Variants in TTC28 observed in about 807,000 individuals in gnomAD.
TTC28 encodes the protein tetratricopeptide repeat protein 28.
Under a neutral mutation model 198.0 loss-of-function variants are expected in TTC28, and 61 were observed. The ratio of observed to expected loss-of-function variants is 0.31; its 90% CI spans 0.25 to 0.38. The LOEUF (loss-of-function observed/expected upper bound fraction) is 0.38, where lower values mean the gene tolerates loss of function less well. Among genes scored for constraint, TTC28 ranks in the 10% least tolerant of loss-of-function variants. TTC28 has a pLI of 1.00. For synonymous variants in TTC28, 1,171 were observed against 1,297.8 expected (o/e 0.90, Z 2.10); for missense variants, 2,678 against 3,164.0 (o/e 0.85, Z 3.69).
At chr22:28,634,098 A>G (rs948429192) in intron 1 of TTC28, among the ~76,000 whole-genome samples, 2 of 152,152 alleles carry the variant, frequency 1.3e-5, no homozygotes, top group Non-Finnish European at 2.9e-5. Flanking sequence ...ACACCATCAA[A>G]TGTTCACAAA....
rs967977216 is a variant in TTC28, at chr22:27,983,079, G to A, written c.6588C>T (p.Gly2196=). ...CAGCAGTGCTGCTGGGCGCCTGAAC[G>A]CCGTCTTCAGGGTTATTACTCTTGC... The part of the protein sequence containing the change: ...QVSKSNNPED[G]VQAPSSTAVF... The change falls in exon 23 of 23, where the codon GGC becomes GGT. Residue 2196 remains glycine, a synonymous_variant. Coordinates refer to ENST00000397906, the MANE Select transcript of TTC28 (RefSeq NM_001145418.2). 41 of 1,551,568 alleles carry A rather than the reference G, an allele frequency of 2.6e-5. No homozygotes were observed. Among genetic ancestry groups the A allele is most frequent in the South Asian group, 2.3e-4 (19 of 84,054 alleles).
chr22:28,570,314 C>T (rs1007728619), intron 2 of TTC28, among the ~76,000 whole-genome samples: 16 of 152,152 alleles, frequency 1.1e-4, no homozygotes, highest in Non-Finnish European at 2.1e-4. Context: ...CCTAGATGCC[C>T]ATCAATGGTG....
At chr22:28,252,612 T>C (rs1369964770) in intron 5 of TTC28, among the ~76,000 whole-genome samples, 2 of 152,194 alleles carry the variant, frequency 1.3e-5, no homozygotes, top group Admixed American at 6.5e-5. Context: ...TCTCCATTAG[T>C]ACTACCAGAG....
chr22:28,175,595 C>T lies in TTC28; in HGVS notation c.934-11996G>A, dbSNP rs997533018. On this transcript the variant is annotated intron_variant, in intron 5 of 22. Transcript: ENST00000397906. The stretch of plus-strand genomic sequence containing the variant: ...AAAAATACAAAAAATTATCCGGGCA[C>T]GGTGGTGCATGCCTGTAATCCCAGC... Among the ~76,000 whole-genome samples the T allele has an allele frequency of 9.2e-5, 14 of 151,724 alleles. No homozygotes were observed. In the South Asian group the frequency reaches 2.3e-3, roughly 25 times the overall value.
At chr22:28,408,125 T>C (rs1204899271) in intron 2 of TTC28, among the ~76,000 whole-genome samples, 1 of 152,064 alleles carries the variant, frequency 6.6e-6, no homozygotes, top group Non-Finnish European at 1.5e-5. Flanking sequence ...AATAAGATAC[T>C]AGGAAGCCGA....
chr22:28,174,190 T>C (rs1922944423), intron 5 of TTC28, among the ~76,000 whole-genome samples: 1 of 152,196 alleles, frequency 6.6e-6, no homozygotes, highest in South Asian at 2.1e-4. Context: ...ATTTGTAACA[T>C]CTTTGAGACT....
Position 28,614,672 on chromosome 22 carries a change from T to C in TTC28, c.381+14880A>G, listed in dbSNP as rs150956295. On this transcript the variant is annotated intron_variant, in intron 2 of 22. Transcript: ENST00000397906. The stretch of plus-strand genomic sequence containing the variant: ...ACAGCCATCTGATCTTTGACAAACC[T>C]GACAGCAACAAGCAATGGGGGAAGG... Among the ~76,000 whole-genome samples, 291 of 152,274 alleles carry C rather than the reference T, an allele frequency of 1.9e-3. 2 individuals are homozygous for C. Among genetic ancestry groups the C allele is most frequent in the Middle Eastern group, 0.014 (4 of 294 alleles).
intron 5 of TTC28, among the ~76,000 whole-genome samples, chr22:28,217,893 G>C (rs1019400517): frequency 6.6e-6 from 1 of 152,018 alleles, no homozygotes; most frequent in African/African-American, 2.4e-5. Flanking sequence ...ACAAAATAAG[G>C]AAAGGAATGG....
At position 28,606,980 on chromosome 22, in the gene TTC28, T is replaced by C. The variant is rs148171194; in HGVS notation, c.381+22572A>G. Among the ~76,000 whole-genome samples, 139 of 152,256 alleles carry C rather than the reference T, an allele frequency of 9.1e-4. 1 individual carries two copies. The highest frequency in any genetic ancestry group is 1.5e-3 in the Non-Finnish European group (103 of 68,024). ...CTGAAGTAATTTGAGAAATGGTAAG[T>C]GCTGGAAGAACTCTCTGACCTTCCT... On this transcript the variant is annotated intron_variant, in intron 2 of 22. Transcript: ENST00000397906.
chr22:28,560,760 G>C (rs925853469), intron 2 of TTC28, among the ~76,000 whole-genome samples: 1 of 150,562 alleles, frequency 6.6e-6, no homozygotes, highest in Non-Finnish European at 1.5e-5. Context: ...TCTTTTTTTT[G>C]TTTGTTTGTT....
rs201959302 is a variant in TTC28 at position 28,529,932 on chromosome 22, T to TA, written c.381+99619dup. ...ACCATCATCAAAGACTAAAGGTAGA[T>TA]AAAACCACAAAAATGGGGAAAAACC... On this transcript the variant is annotated intron_variant, in intron 2 of 22. Coordinates refer to ENST00000397906, the MANE Select transcript of TTC28 (RefSeq NM_001145418.2). 6.5e-3 allele frequency among the ~76,000 whole-genome samples: 986 copies of TA among 152,142 alleles called. 31 individuals are homozygous for TA. The East Asian group carries it at 0.085, about 13-fold the overall frequency.
At chr22:28,102,232 A>G (rs1411758255) in intron 8 of TTC28, among the ~76,000 whole-genome samples, 1 of 152,134 alleles carries the variant, frequency 6.6e-6, no homozygotes, top group Non-Finnish European at 1.5e-5. Context: ...ACACAGCCTG[A>G]CCCTGCCTTC....
At chr22:28,206,438 C>A (rs1926410451) in intron 5 of TTC28, among the ~76,000 whole-genome samples, 1 of 152,126 alleles carries the variant, frequency 6.6e-6, no homozygotes, top group South Asian at 2.1e-4. Context: ...ACATTAGATG[C>A]TAATTACAGT....
At chr22:28,264,717 C>A (rs568627169) in intron 5 of TTC28, among the ~76,000 whole-genome samples, 1 of 152,110 alleles carries the variant, frequency 6.6e-6, no homozygotes, top group Non-Finnish European at 1.5e-5. Flanking sequence ...CAGGTTTCTG[C>A]ATGGAGCATC....
At chr22:28,010,728 G>C (rs1205653033) in intron 14 of TTC28, among the ~76,000 whole-genome samples, 1 of 152,166 alleles carries the variant, frequency 6.6e-6, no homozygotes, top group Non-Finnish European at 1.5e-5. Context: ...AAGCTCCTCG[G>C]GAACAGGCCC....
chr22:28,415,304 G>A (rs545723405), intron 2 of TTC28, among the ~76,000 whole-genome samples: 1 of 152,038 alleles, frequency 6.6e-6, no homozygotes, highest in Non-Finnish European at 1.5e-5. Flanking sequence ...GCAAAGTGGA[G>A]ACTATCCCTT....
chr22:28,128,703 T>A, intron 6 of TTC28, among the ~76,000 whole-genome samples: 1 of 152,054 alleles, frequency 6.6e-6, no homozygotes. Flanking sequence ...CATGCCCGGC[T>A]AATTTTTATA....
Position 28,659,439 on chromosome 22 carries a change from T to A in TTC28, c.102+20183A>T, listed in dbSNP as rs191836840. 9.9e-4 allele frequency among the ~76,000 whole-genome samples: 151 copies of A among 152,130 alleles called. 1 individual carries two copies. The highest frequency in any genetic ancestry group is 1.8e-3 in the Non-Finnish European group (120 of 67,986). On this transcript the variant is annotated intron_variant, in intron 1 of 22. Coordinates refer to ENST00000397906, the MANE Select transcript of TTC28 (RefSeq NM_001145418.2). ...TCATGCCACCACGTCCAGCTAATTTTTGTGTTTTTAGTGGAGATGGGGTTT... is the reference window on the plus strand; with the variant it reads ...TCATGCCACCACGTCCAGCTAATTTATGTGTTTTTAGTGGAGATGGGGTTT...
chr22:28,072,684 T>C (rs1176949889), intron 12 of TTC28, among the ~76,000 whole-genome samples: 1 of 152,084 alleles, frequency 6.6e-6, no homozygotes, highest in East Asian at 1.9e-4. Context: ...TAGGAAAAAA[T>C]GATGCCCCAG....
Sources: gnomAD v4.1 joint callset for allele counts (sites outside exome capture counted in the v4.1 genomes callset) on GRCh38, gnomAD v4.1.1 for gene constraint, MANE v1.5 for transcripts, NCBI Gene and HGNC (gene_info 2026-07-23, HGNC 2026-07-21) for gene names.